ERC2: variants seen among roughly 807,000 people sequenced by gnomAD.
The protein encoded by ERC2 is ERC protein 2.
In ERC2, 42 loss-of-function variants were observed where a neutral mutation model predicts 114.8. The ratio of observed to expected loss-of-function variants is 0.37; its 90% CI spans 0.29 to 0.47. ERC2 has a LOEUF of 0.47. Ranked by LOEUF, ERC2 falls within the 20% of genes least tolerant of loss-of-function variation. The probability of loss-of-function intolerance (pLI) is 0.99; values close to 1 mark genes in which losing one functional copy is unlikely to be tolerated. For missense variants in ERC2, 939 were observed against 1,150.7 expected (o/e 0.82, Z 2.66); for synonymous variants, 454 against 425.5 (o/e 1.07, Z -0.82).
At chr3:56,376,892 C>A (rs1163245104) in intron 2 of ERC2, among the ~76,000 whole-genome samples, 2 of 152,078 alleles carry the variant, frequency 1.3e-5, no homozygotes, top group African/African-American at 4.8e-5. Flanking sequence ...AGTCGCAATA[C>A]ATGGGAGGCT....
chr3:55,532,252 C>T (rs1279015172), intron 17 of ERC2, among the ~76,000 whole-genome samples: 2 of 152,152 alleles, frequency 1.3e-5, no homozygotes, highest in East Asian at 1.9e-4. Flanking sequence ...CAGAGGGTGA[C>T]CTGGGTTGAG....
intron 13 of ERC2, among the ~76,000 whole-genome samples, chr3:55,923,171 A>G (rs997608243): frequency 3.3e-5 from 5 of 152,202 alleles, no homozygotes; most frequent in Non-Finnish European, 7.4e-5. Flanking sequence ...AATGTGATAT[A>G]TACATGCAAT....
chr3:55,904,825 A>C (rs548507720), intron 13 of ERC2, among the ~76,000 whole-genome samples: 14 of 152,294 alleles, frequency 9.2e-5, no homozygotes, highest in African/African-American at 3.4e-4. Flanking sequence ...ATTTAGACAG[A>C]AAGAAAAGCA....
intron 7 of ERC2, 128 bp downstream of exon 7, chr3:56,080,689 G>A (rs1424422204): frequency 1.1e-6 from 1 of 871,026 alleles, no homozygotes; most frequent in East Asian, 2.6e-5. Context: ...TGAAACACCA[G>A]TATGAAAATC....
chr3:56,220,589 G>A (rs777543574), intron 3 of ERC2, among the ~76,000 whole-genome samples: 2 of 152,212 alleles, frequency 1.3e-5, no homozygotes, highest in Non-Finnish European at 2.9e-5. Context: ...TGTAGCTGGC[G>A]TGCCTGTCAC....
At chr3:55,614,002 A>G (rs2059019689) in intron 17 of ERC2, among the ~76,000 whole-genome samples, 1 of 150,772 alleles carries the variant, frequency 6.6e-6, no homozygotes, top group Non-Finnish European at 1.5e-5. Context: ...AAAAAAAAAA[A>G]AAAAAAAAAA....
At chr3:56,149,311 A>C (rs1287692910) in intron 4 of ERC2, among the ~76,000 whole-genome samples, 179 bp from the exon 5 acceptor site, 1 of 152,158 alleles carries the variant, frequency 6.6e-6, no homozygotes, top group Non-Finnish European at 1.5e-5. Flanking sequence ...TTGTGAGATG[A>C]TAGTTTAAGC....
At chr3:56,379,477 C>T (rs890825984) in intron 2 of ERC2, among the ~76,000 whole-genome samples, 1 of 152,102 alleles carries the variant, frequency 6.6e-6, no homozygotes, top group Non-Finnish European at 1.5e-5. Context: ...TCACAGCAAC[C>T]CTAAGAGAAG....
chr3:55,777,030 C>T (rs566976194), intron 14 of ERC2, among the ~76,000 whole-genome samples: 38 of 152,138 alleles, frequency 2.5e-4, no homozygotes, highest in Middle Eastern at 3.4e-3. Context: ...CCAAGTGTCT[C>T]CCTCCTCTCT....
At chr3:55,823,050 C>T (rs1218583974) in intron 14 of ERC2, among the ~76,000 whole-genome samples, 2 of 152,148 alleles carry the variant, frequency 1.3e-5, no homozygotes, top group African/African-American at 4.8e-5. Flanking sequence ...TTGTGCAGTG[C>T]CTTTCATTTC....
chr3:56,427,632 T>C (rs887490623), intron 2 of ERC2, among the ~76,000 whole-genome samples: 3 of 152,110 alleles, frequency 2.0e-5, no homozygotes, highest in Non-Finnish European at 2.9e-5. Flanking sequence ...GGTGTCCTTA[T>C]GAAAAGGAGA....
intron 7 of ERC2, among the ~76,000 whole-genome samples, chr3:56,032,981 A>G (rs13085040): frequency 0.094 from 5,798 of 61,692 alleles, 508 homozygotes; most frequent in East Asian, 0.14. Context: ...AAGAAAGAGA[A>G]AGAAAGAAAG....
chr3:55,985,899 G>A (rs2070584172), intron 12 of ERC2, 78 bp downstream of exon 12: 17 of 1,271,096 alleles, frequency 1.3e-5, no homozygotes, highest in Middle Eastern at 3.7e-4. Context: ...TTTCAGAAAT[G>A]TGTTTGTTAA....
intron 4 of ERC2, among the ~76,000 whole-genome samples, chr3:56,158,822 T>C (rs1575622517): frequency 6.7e-6 from 1 of 149,026 alleles, no homozygotes; most frequent in Non-Finnish European, 1.5e-5. Context: ...TTTTTCAAAA[T>C]AATAATTCCT....
At chr3:55,882,237 T>C (rs2063149530) in intron 14 of ERC2, among the ~76,000 whole-genome samples, 2 of 152,158 alleles carry the variant, frequency 1.3e-5, no homozygotes, top group African/African-American at 4.8e-5. Flanking sequence ...TCTCTCCCCA[T>C]GTGATCTCTG....
chr3:55,939,107 G>T (rs2066625568), intron 13 of ERC2, among the ~76,000 whole-genome samples: 1 of 152,076 alleles, frequency 6.6e-6, no homozygotes, highest in Non-Finnish European at 1.5e-5. Context: ...TTCTTAATGA[G>T]GTACAATTTT....
At chr3:55,837,262 C>T (rs1482674326) in intron 14 of ERC2, among the ~76,000 whole-genome samples, 1 of 151,994 alleles carries the variant, frequency 6.6e-6, no homozygotes, top group Non-Finnish European at 1.5e-5. Context: ...GGGTATATAC[C>T]CAAAGGATTA....
At chr3:55,622,595 A>G (rs1046295474) in intron 17 of ERC2, among the ~76,000 whole-genome samples, 2 of 152,146 alleles carry the variant, frequency 1.3e-5, no homozygotes, top group Non-Finnish European at 1.5e-5. Flanking sequence ...CTACAGAGAC[A>G]CAGGAATCAG....
At chr3:55,913,686 C>T (rs2064940018) in intron 13 of ERC2, among the ~76,000 whole-genome samples, 1 of 152,114 alleles carries the variant, frequency 6.6e-6, no homozygotes, top group South Asian at 2.1e-4. Context: ...ATCTATGGGA[C>T]AGGACTTTCC....
Sources: allele counts gnomAD v4.1 joint callset (sites outside exome capture counted in the v4.1 genomes callset), GRCh38; gene constraint gnomAD v4.1.1; transcripts MANE v1.5; gene names NCBI Gene and HGNC (gene_info 2026-07-23, HGNC 2026-07-21).